MIPOL1: variants seen among roughly 807,000 people sequenced by gnomAD.
The protein encoded by MIPOL1 is mirror-image polydactyly 1.
A neutral mutation model predicts 60.9 loss-of-function variants in MIPOL1; 57 were observed. The ratio of observed to expected loss-of-function variants is 0.94; its 90% CI spans 0.76 to 1.17. The LOEUF is 1.17. Ranked by LOEUF, MIPOL1 falls within the 50% of genes most tolerant of loss-of-function variation. The probability of loss-of-function intolerance (pLI) is 0.00; values close to 1 mark genes in which losing one functional copy is unlikely to be tolerated. For missense variants in MIPOL1, 551 were observed against 511.6 expected (o/e 1.08, Z -0.74); for synonymous variants, 179 against 168.8 (o/e 1.06, Z -0.47).
chr14:37,397,995 T>G (rs2153527218), intron 10 of MIPOL1, among the ~76,000 whole-genome samples: 1 of 152,292 alleles, frequency 6.6e-6, no homozygotes, highest in African/African-American at 2.4e-5. Flanking sequence ...AGGAGGCTTC[T>G]TGCCCCATTT....
At chr14:37,393,323 C>A (rs2153521810) in intron 10 of MIPOL1, among the ~76,000 whole-genome samples, 1 of 149,684 alleles carries the variant, frequency 6.7e-6, no homozygotes. Flanking sequence ...AATACAGTGC[C>A]TTTTCTGGTA....
chr14:37,271,602 A>G (rs1238717453), intron 6 of MIPOL1, among the ~76,000 whole-genome samples: 1 of 151,832 alleles, frequency 6.6e-6, no homozygotes, highest in Non-Finnish European at 1.5e-5. Context: ...TAATGTTTTT[A>G]TTTTTGTGTG....
In MIPOL1 at chr14:37,500,053, C is replaced by T; in HGVS notation, c.1177C>T (p.Gln393Ter). 5.6e-6 allele frequency: 9 copies of T among 1,613,966 alleles called. No homozygotes were observed. The highest frequency in any genetic ancestry group is 7.6e-6 in the Non-Finnish European group (9 of 1,179,874). The part of the protein sequence containing the change: ...QNEELATQLQ[Q>*]ALTERANMEL... Reference sequence around the variant, plus strand: ...TGAGGAACTGGCTACTCAACTGCAACAAGCTCTGACAGAGCGAGCAAATAT... The same window carrying T: ...TGAGGAACTGGCTACTCAACTGCAATAAGCTCTGACAGAGCGAGCAAATAT... The change falls in exon 12 of 13, where the codon CAA (glutamine) becomes TAA (stop). Residue 393 changes from glutamine (Q) to a stop codon, truncating the protein, a stop_gained. Coordinates refer to ENST00000684589, the MANE Select transcript of MIPOL1 (RefSeq NM_001388067.1). LOFTEE classifies it high-confidence loss of function.
At position 37,548,956 on chromosome 14, in the gene MIPOL1, T is replaced by C. The variant is rs2095554978; in HGVS notation, c.*1985T>C. ...AACATCCACTATTGTTCAGTATAGG[T>C]AATCTCCCAAAAATATCACATCCTC... is the stretch of plus-strand genomic sequence containing the variant. On this transcript the variant is annotated 3_prime_UTR_variant, in exon 13 of 13. Coordinates refer to ENST00000684589, the MANE Select transcript of MIPOL1 (RefSeq NM_001388067.1). The C allele has an allele frequency of 6.6e-6, 1 of 151,986 alleles. No homozygotes were observed. The highest frequency in any genetic ancestry group is 2.4e-5 in the African/African-American group (1 of 41,456). 9.4% of individuals were successfully genotyped at this position (151,986 alleles called of 1,614,324 possible).
intron 12 of MIPOL1, among the ~76,000 whole-genome samples, chr14:37,515,286 T>C (rs563219175): frequency 7.1e-6 from 1 of 141,460 alleles, no homozygotes; most frequent in South Asian, 2.3e-4. Flanking sequence ...TTAACCTAAA[T>C]ATAATGAAAA....
chr14:37,419,974 G>A (rs907275844), intron 10 of MIPOL1, among the ~76,000 whole-genome samples: 1 of 151,804 alleles, frequency 6.6e-6, no homozygotes, highest in Non-Finnish European at 1.5e-5. Context: ...CTCCTGGGCT[G>A]AAGTAATCCT....
chr14:37,374,652 G>A (rs199950072), intron 10 of MIPOL1, among the ~76,000 whole-genome samples: 1 of 151,950 alleles, frequency 6.6e-6, no homozygotes, highest in Non-Finnish European at 1.5e-5. Context: ...ATCCTTTCCC[G>A]ATTGCTTGTT....
intron 9 of MIPOL1, among the ~76,000 whole-genome samples, chr14:37,332,602 T>G (rs1438731886): frequency 6.6e-6 from 1 of 152,158 alleles, no homozygotes; most frequent in Non-Finnish European, 1.5e-5. Context: ...AAGAAAATTG[T>G]AAGGAAGAGA....
chr14:37,299,154 G>C (rs957915381), intron 7 of MIPOL1, among the ~76,000 whole-genome samples: 2 of 152,096 alleles, frequency 1.3e-5, no homozygotes. Context: ...GTAGGGACAT[G>C]GATGAAGCTG....
chr14:37,406,914 G>T, intron 10 of MIPOL1, among the ~76,000 whole-genome samples: 1 of 152,030 alleles, frequency 6.6e-6, no homozygotes. Flanking sequence ...GAGTCAAGAA[G>T]TCTCAGTATT....
chr14:37,543,261 A>T (rs1490318437), intron 12 of MIPOL1, among the ~76,000 whole-genome samples: 1 of 151,922 alleles, frequency 6.6e-6, no homozygotes, highest in African/African-American at 2.4e-5. Flanking sequence ...ATTATTTTTT[A>T]TTTTTATTTT....
At chr14:37,391,231 A>G (rs960294580) in intron 10 of MIPOL1, among the ~76,000 whole-genome samples, 17 of 147,848 alleles carry the variant, frequency 1.1e-4, no homozygotes, top group African/African-American at 4.1e-4. Context: ...ACAAACTCCA[A>G]GAGAATTAGT....
At chr14:37,334,492 T>C (rs1595195478) in intron 9 of MIPOL1, among the ~76,000 whole-genome samples, 4 of 152,114 alleles carry the variant, frequency 2.6e-5, no homozygotes, top group South Asian at 4.1e-4. Flanking sequence ...TACTTAATTG[T>C]TTTTTACATT....
At chr14:37,473,558 G>A (rs1419263657) in intron 11 of MIPOL1, among the ~76,000 whole-genome samples, 1 of 152,056 alleles carries the variant, frequency 6.6e-6, no homozygotes, top group East Asian at 1.9e-4. Flanking sequence ...AGTAGGAGTG[G>A]AGCAGGGAAT....
chr14:37,468,053 CAAAAA>C (rs1231830627), intron 11 of MIPOL1, among the ~76,000 whole-genome samples: 3 of 101,798 alleles, frequency 2.9e-5, no homozygotes, highest in African/African-American at 7.5e-5. Context: ...GTCTCCATCT[CAAAAA>C]AAAAAAAAAA....
intron 12 of MIPOL1, among the ~76,000 whole-genome samples, chr14:37,510,026 G>A (rs745362884): frequency 5.3e-5 from 8 of 151,350 alleles, no homozygotes; most frequent in African/African-American, 1.5e-4. Context: ...ATATATACAC[G>A]TAGTCTATAT....
chr14:37,319,441 A>G (rs2088307892), intron 9 of MIPOL1, among the ~76,000 whole-genome samples: 1 of 152,160 alleles, frequency 6.6e-6, no homozygotes, highest in South Asian at 2.1e-4. Context: ...GCAATGTGAA[A>G]CTTGCAGTTT....
At chr14:37,484,578 C>G (rs1014931457) in intron 11 of MIPOL1, among the ~76,000 whole-genome samples, 1 of 151,986 alleles carries the variant, frequency 6.6e-6, no homozygotes, top group Non-Finnish European at 1.5e-5. Flanking sequence ...CCTCGTGATC[C>G]GCCCCCCTCA....
Position 37,363,056 on chromosome 14 carries a change from T to G in MIPOL1, c.829-6461T>G, listed in dbSNP as rs149813648. The stretch of plus-strand genomic sequence containing the variant: ...AGATTCCTTGCCATGGGTTAGAACA[T>G]GCTTCTTTAGCTTGGAGAAGTTTGT... On this transcript the variant is annotated intron_variant, in intron 9 of 12. Transcript: ENST00000684589. Among the ~76,000 whole-genome samples, 1,448 of 152,320 alleles carry G rather than the reference T, an allele frequency of 9.5e-3. 22 individuals carry two copies. The highest frequency in any genetic ancestry group is 0.033 in the African/African-American group (1,380 of 41,568).
Sources: allele counts gnomAD v4.1 joint callset (sites outside exome capture counted in the v4.1 genomes callset), GRCh38; gene constraint gnomAD v4.1.1; transcripts MANE v1.5; gene names NCBI Gene and HGNC (gene_info 2026-07-23, HGNC 2026-07-21).